The following ANK2 variants were observed in gnomAD, a reference collection of about 807,000 sequenced individuals.
ANK2 encodes ankyrin-2.
Under a neutral mutation model 360.5 loss-of-function variants are expected in ANK2, and 83 were observed. That is an observed-to-expected ratio of 0.23 (90% CI 0.19 to 0.28). The LOEUF is 0.28. Among genes scored for constraint, ANK2 ranks in the 10% least tolerant of loss-of-function variants. The pLI is 1.00. For missense variants in ANK2, 4,201 were observed against 4,795.7 expected (o/e 0.88, Z 3.66); for synonymous variants, 1,740 against 1,759.5 (o/e 0.99, Z 0.28).
chr4:113,251,350 G>C (rs565669539), intron 10 of ANK2, among the ~76,000 whole-genome samples: 1 of 151,698 alleles, frequency 6.6e-6, no homozygotes, highest in South Asian at 2.1e-4. Context: ...TGCATAAAGT[G>C]TCTCTGAGTG....
At chr4:113,295,843 T>C (rs2153752200) in intron 22 of ANK2, among the ~76,000 whole-genome samples, 1 of 152,256 alleles carries the variant, frequency 6.6e-6, no homozygotes. Context: ...TTGAACTGGT[T>C]TCTCTTATAA....
At chr4:113,036,291 T>C (rs1030126387) in intron 2 of ANK2, among the ~76,000 whole-genome samples, 1 of 151,408 alleles carries the variant, frequency 6.6e-6, no homozygotes, top group African/African-American at 2.4e-5. Context: ...GGAGTTTAGA[T>C]GCCACATCCA....
upstream of ANK2, among the ~76,000 whole-genome samples, chr4:113,048,272 ATATATTTTTTTTTTTT>A (rs2065354548): frequency 4.2e-5 from 2 of 48,008 alleles, no homozygotes; most frequent in African/African-American, 1.0e-4. Context: ...ATATATATAT[ATATATTTTTTTTTTTT>A]TTTTTTTTTT....
chr4:113,092,094 A>AT (rs34415265), intron 1 of ANK2, among the ~76,000 whole-genome samples: 29,231 of 152,046 alleles, frequency 0.19, 3,721 homozygotes, highest in Non-Finnish European at 0.29. Flanking sequence ...TTTAAATGTC[A>AT]TTTTTTTCTC....
intron 1 of ANK2, among the ~76,000 whole-genome samples, chr4:113,066,213 G>A (rs11726017): frequency 0.12 from 18,468 of 152,056 alleles, 1,507 homozygotes; most frequent in Non-Finnish European, 0.18. Context: ...ACACACAGGC[G>A]TGCACGTGAG....
At chr4:113,362,547 T>C (rs1231501931) in intron 39 of ANK2, among the ~76,000 whole-genome samples, 3 of 152,132 alleles carry the variant, frequency 2.0e-5, no homozygotes, top group Admixed American at 6.6e-5. Flanking sequence ...CAGGCTCAAG[T>C]GATCCTCCTG....
At chr4:113,080,896 T>G (rs2082148708) in intron 1 of ANK2, among the ~76,000 whole-genome samples, 1 of 152,042 alleles carries the variant, frequency 6.6e-6, no homozygotes, top group African/African-American at 2.4e-5. Flanking sequence ...AGGATGGGCA[T>G]AGGAAAGAGA....
rs998164037 is a variant in ANK2, at chr4:113,382,965, C to T, written c.*1494C>T. ...GTAACAATCTGAGTAATTTCCATGT[C>T]CTCTTCCTTATTCCTCTAGTGGTTG... On this transcript the variant is annotated 3_prime_UTR_variant, in exon 46 of 46. Transcript: ENST00000357077. 1 of 152,544 alleles carries T rather than the reference C, an allele frequency of 6.6e-6. No individual in the cohort carries two copies. The highest frequency in any genetic ancestry group is 1.5e-5 in the Non-Finnish European group (1 of 68,026). The allele number at this position is 152,544 out of a possible 1,614,324, so 9.4% of individuals were successfully genotyped here.
intron 1 of ANK2, among the ~76,000 whole-genome samples, chr4:112,837,946 A>G (rs2061342399): frequency 6.6e-6 from 1 of 152,142 alleles, no homozygotes; most frequent in Non-Finnish European, 1.5e-5. Context: ...ATGAGTTAAG[A>G]CTTTGGGGGA....
rs138981799 is a variant in ANK2, at chr4:113,140,956, C to T, written c.85-33460C>T. Among the ~76,000 whole-genome samples the T allele has an allele frequency of 5.8e-4, 88 of 150,808 alleles. 2 individuals are homozygous for T. The East Asian group carries it at 0.014, about 24-fold the overall frequency. On this transcript the variant is annotated intron_variant, in intron 1 of 45. Coordinates refer to ENST00000357077, the MANE Select transcript of ANK2 (RefSeq NM_001148.6). The stretch of plus-strand genomic sequence containing the variant: ...TTGCGCCATTGCACTCCAGCCTGGG[C>T]GACAAGAGTGAAACTCCGTTTAAAA...
the ANK2 span, among the ~76,000 whole-genome samples, chr4:112,744,346 A>G: frequency 5.3e-5 from 6 of 113,022 alleles, no homozygotes; most frequent in Non-Finnish European, 1.0e-4. Flanking sequence ...TCCTTAGGAT[A>G]TGATTTTTTT....
At chr4:113,131,061 T>C (rs2154377880) in intron 1 of ANK2, among the ~76,000 whole-genome samples, 1 of 152,328 alleles carries the variant, frequency 6.6e-6, no homozygotes, top group South Asian at 2.1e-4. Flanking sequence ...TGTGTTTCCA[T>C]CTTAAAGTCA....
the ANK2 span, among the ~76,000 whole-genome samples, chr4:112,724,397 C>G: frequency 9.2e-5 from 14 of 152,062 alleles, no homozygotes; most frequent in South Asian, 2.1e-4. Context: ...ATTATTGATT[C>G]ATTTGACAAA....
chr4:113,239,332 G>A (rs1193794424), intron 7 of ANK2, among the ~76,000 whole-genome samples: 2 of 151,792 alleles, frequency 1.3e-5, no homozygotes, highest in Non-Finnish European at 2.9e-5. Flanking sequence ...GCTTATTTAG[G>A]GTGTTTTTAA....
At chr4:112,806,142 A>C in the ANK2 span, among the ~76,000 whole-genome samples, 1 of 152,194 alleles carries the variant, frequency 6.6e-6, no homozygotes, top group African/African-American at 2.4e-5. Flanking sequence ...TGTGTTATCA[A>C]AACTAGATCT....
chr4:113,032,229 T>C (rs1306824155), intron 2 of ANK2, among the ~76,000 whole-genome samples: 1 of 152,100 alleles, frequency 6.6e-6, no homozygotes, highest in Admixed American at 6.6e-5. Context: ...GAAAGAGATA[T>C]AGAATGTTTT....
At chr4:113,262,655 A>G (rs1011776220) in intron 13 of ANK2, among the ~76,000 whole-genome samples, 6 of 152,236 alleles carry the variant, frequency 3.9e-5, no homozygotes, top group Non-Finnish European at 7.3e-5. Flanking sequence ...ATAAAAAACT[A>G]CAATAAAAAT....
the ANK2 span, among the ~76,000 whole-genome samples, chr4:112,758,650 C>T: frequency 0.3 from 46,131 of 151,892 alleles, 7,113 homozygotes; most frequent in East Asian, 0.35. Flanking sequence ...TCTGACCTCA[C>T]GTGATCTGCC....
chr4:112,884,697 T>C (rs1471826781), intron 1 of ANK2, among the ~76,000 whole-genome samples: 1 of 152,196 alleles, frequency 6.6e-6, no homozygotes, highest in Non-Finnish European at 1.5e-5. Context: ...AGAAACACAG[T>C]GTGTTCACAT....
Sources: gnomAD v4.1 joint callset for allele counts (sites outside exome capture counted in the v4.1 genomes callset) on GRCh38, gnomAD v4.1.1 for gene constraint, MANE v1.5 for transcripts, NCBI Gene and HGNC (gene_info 2026-07-23, HGNC 2026-07-21) for gene names.